Variants in HDAC9 observed in about 807,000 individuals in gnomAD.
The protein encoded by HDAC9 is MEF-2 interacting transcription repressor (MITR) protein.
A neutral mutation model predicts 139.4 loss-of-function variants in HDAC9; 41 were observed. The observed-to-expected ratio is 0.29, with a 90% confidence interval of 0.23 to 0.38. The LOEUF is 0.38. Among genes scored for constraint, HDAC9 ranks in the 10% least tolerant of loss-of-function variants. The pLI is 1.00. For synonymous variants in HDAC9, 517 were observed against 476.2 expected (o/e 1.09, Z -1.12); for missense variants, 1,147 against 1,297.0 (o/e 0.88, Z 1.78).
intron 1 of HDAC9, among the ~76,000 whole-genome samples, chr7:18,389,683 G>A (rs1438231437): frequency 6.6e-6 from 1 of 152,152 alleles, no homozygotes; most frequent in East Asian, 1.9e-4. Context: ...TGTATGTCAA[G>A]TATATGCATA....
intron 23 of HDAC9, among the ~76,000 whole-genome samples, chr7:18,937,462 G>A (rs1406528954): frequency 2.6e-5 from 4 of 152,136 alleles, no homozygotes; most frequent in African/African-American, 4.8e-5. Flanking sequence ...TAAAATGTTA[G>A]TGTCTTTCTG....
At chr7:18,601,177 A>G (rs1167603959) in intron 6 of HDAC9, among the ~76,000 whole-genome samples, 2 of 152,154 alleles carry the variant, frequency 1.3e-5, no homozygotes, top group Non-Finnish European at 2.9e-5. Flanking sequence ...TTTCTCATTT[A>G]CATCCTCTAC....
Position 18,178,042 on chromosome 7 carries a change from C to T in HDAC9, c.25+15693C>T, listed in dbSNP as rs559241424. Among the ~76,000 whole-genome samples, 17 of 151,554 alleles carry T rather than the reference C, an allele frequency of 1.1e-4. No individual in the cohort carries two copies. The South Asian group carries it at 3.3e-3, about 30-fold the overall frequency. On this transcript the variant is annotated intron_variant, in intron 2 of 12. Coordinates refer to the HDAC9 transcript ENST00000417496. ...TGCTATCCACTGAACTTCCTCCATC[C>T]CCCTACCTCCCCTTCCCTCCCGTTC...
chr7:18,345,030 C>T (rs774632482), intron 1 of HDAC9, among the ~76,000 whole-genome samples: 53 of 151,922 alleles, frequency 3.5e-4, no homozygotes, highest in Non-Finnish European at 6.6e-4. Flanking sequence ...GGCCTCACAT[C>T]TTAATGGAAA....
intron 17 of HDAC9, among the ~76,000 whole-genome samples, chr7:18,807,365 A>G (rs2129187317): frequency 6.6e-6 from 1 of 152,160 alleles, no homozygotes; most frequent in Admixed American, 6.5e-5. Context: ...AAGGATTGTC[A>G]TTTCATTCAT....
chr7:18,605,256 G>C (rs1835135842), intron 6 of HDAC9, among the ~76,000 whole-genome samples: 1 of 152,154 alleles, frequency 6.6e-6, no homozygotes, highest in Non-Finnish European at 1.5e-5. Flanking sequence ...TAAGGCGTTG[G>C]ACAGGAGAAA....
chr7:18,248,197 A>G (rs1372924141), intron 2 of HDAC9, among the ~76,000 whole-genome samples: 2 of 152,224 alleles, frequency 1.3e-5, no homozygotes, highest in South Asian at 2.1e-4. Context: ...TAAGAAAGCA[A>G]TTGCAGATTT....
chr7:18,443,103 T>C (rs759993650), intron 1 of HDAC9, among the ~76,000 whole-genome samples: 6 of 152,212 alleles, frequency 3.9e-5, no homozygotes, highest in Non-Finnish European at 5.9e-5. Flanking sequence ...CCACTTCCAC[T>C]GAATTGAAAC....
At chr7:18,824,044 G>GGAGGAAGAAGAAGAAGAA (rs1554367874) in intron 17 of HDAC9, among the ~76,000 whole-genome samples, 4 of 67,184 alleles carry the variant, frequency 6.0e-5, no homozygotes, top group Non-Finnish European at 1.0e-4. Context: ...AAGAGGAAGA[G>GGAGGAAGAAGAAGAAGAA]GAAGAAGAAG....
At chr7:18,250,201 A>G (rs762274866) in intron 2 of HDAC9, among the ~76,000 whole-genome samples, 1 of 152,228 alleles carries the variant, frequency 6.6e-6, no homozygotes, top group Non-Finnish European at 1.5e-5. Flanking sequence ...CCCATGTAAG[A>G]TAGATGAAGC....
chr7:18,623,747 C>T (rs544842252), intron 6 of HDAC9, among the ~76,000 whole-genome samples: 231 of 152,258 alleles, frequency 1.5e-3, no homozygotes, highest in Non-Finnish European at 2.4e-3. Flanking sequence ...CTCCAGACCA[C>T]CCTTGCCAAC....
chr7:18,298,005 C>CA (rs1798263365), intron 1 of HDAC9, among the ~76,000 whole-genome samples: 1 of 152,152 alleles, frequency 6.6e-6, no homozygotes, highest in South Asian at 2.1e-4. Flanking sequence ...TCGTTTTTCT[C>CA]AGAGTCCTGC....
At chr7:18,555,383 G>A (rs1818482670) in intron 2 of HDAC9, among the ~76,000 whole-genome samples, 2 of 152,182 alleles carry the variant, frequency 1.3e-5, no homozygotes, top group South Asian at 4.1e-4. Flanking sequence ...TGGGGAATGG[G>A]AGCTTGGTTA....
At chr7:18,768,607 C>A (rs1166684225) in intron 16 of HDAC9, among the ~76,000 whole-genome samples, 1 of 152,140 alleles carries the variant, frequency 6.6e-6, no homozygotes. Flanking sequence ...TATTTTCTAA[C>A]ATCTCAAATG....
At chr7:18,453,546 G>A (rs1339187621) in intron 1 of HDAC9, among the ~76,000 whole-genome samples, 3 of 152,152 alleles carry the variant, frequency 2.0e-5, no homozygotes, top group Non-Finnish European at 4.4e-5. Flanking sequence ...GTGCTTATCT[G>A]GGAGTGCCTA....
At chr7:18,489,761 AG>A (rs1796229877) in intron 1 of HDAC9, among the ~76,000 whole-genome samples, 1 of 152,076 alleles carries the variant, frequency 6.6e-6, no homozygotes, top group Non-Finnish European at 1.5e-5. Context: ...AAGACTATTA[AG>A]TTTTCCTTAT....
chr7:18,458,778 G>C (rs1400809191), intron 1 of HDAC9: 1 of 1,081,356 alleles, frequency 9.2e-7, no homozygotes, highest in Non-Finnish European at 1.4e-6. Flanking sequence ...GGTGGCTCTT[G>C]CTTGTCACTC....
chr7:18,840,988 A>C (rs1796548100), intron 21 of HDAC9, among the ~76,000 whole-genome samples: 2 of 152,096 alleles, frequency 1.3e-5, no homozygotes, highest in African/African-American at 4.8e-5. Flanking sequence ...TCCACACTGC[A>C]AGTGCTCCTT....
intron 1 of HDAC9, among the ~76,000 whole-genome samples, chr7:18,487,401 C>A (rs1315370721): frequency 6.6e-6 from 1 of 151,940 alleles, no homozygotes; most frequent in Non-Finnish European, 1.5e-5. Context: ...GTGTCTGTTG[C>A]ATGATGTTTG....
Sources: allele counts gnomAD v4.1 joint callset (sites outside exome capture counted in the v4.1 genomes callset), GRCh38; gene constraint gnomAD v4.1.1; transcripts MANE v1.5; gene names NCBI Gene and HGNC (gene_info 2026-07-23, HGNC 2026-07-21).